UBN2: variants seen among roughly 807,000 people sequenced by gnomAD.
UBN2 encodes ubinuclein 2, also known as ubinuclein-2.
A neutral mutation model predicts 120.2 loss-of-function variants in UBN2; 35 were observed. That is an observed-to-expected ratio of 0.29 (90% CI 0.22 to 0.39). The LOEUF is 0.39. UBN2 is among the 10% of genes least tolerant of loss of function. The probability of loss-of-function intolerance (pLI) is 1.00; values close to 1 mark genes in which losing one functional copy is unlikely to be tolerated. For missense variants in UBN2, 1,693 were observed against 1,663.2 expected (o/e 1.02, Z -0.31); for synonymous variants, 661 against 648.7 (o/e 1.02, Z -0.29).
Position 139,302,780 on chromosome 7 carries a change from A to ACACT in UBN2, c.*4947_*4948insTCAC, listed in dbSNP as rs1173360665. 6.9e-6 allele frequency: 1 copy of ACACT among 145,842 alleles called. No individual in the cohort carries two copies. Among genetic ancestry groups the ACACT allele is most frequent in the African/African-American group, 2.8e-5 (1 of 35,944 alleles). The allele number at this position is 145,842 out of a possible 1,614,324, so 9.0% of individuals were successfully genotyped here. Reference sequence around the variant, plus strand: ...TTGTAGAAGTTAACAATAACAACACACACACACACACACACACACACGTCA... The same window carrying ACACT: ...TTGTAGAAGTTAACAATAACAACACACACTCACACACACACACACACACACGTCA... On this transcript the variant is annotated 3_prime_UTR_variant, in exon 18 of 18. Transcript: ENST00000473989.
intron 1 of UBN2, among the ~76,000 whole-genome samples, chr7:139,234,396 G>A (rs1329786639): frequency 6.6e-6 from 1 of 151,986 alleles, no homozygotes; most frequent in Non-Finnish European, 1.5e-5. Context: ...GTAAAACCCT[G>A]ATTTACTGGA....
intron 16 of UBN2, 190 bp downstream of exon 16, chr7:139,293,653 T>G: frequency 3.1e-6 from 2 of 646,492 alleles, no homozygotes; most frequent in Non-Finnish European, 5.2e-6. Flanking sequence ...ATACAGTTTT[T>G]AAGCTATCTA....
the UBN2 span, among the ~76,000 whole-genome samples, chr7:139,325,564 C>G: frequency 1.3e-5 from 2 of 152,136 alleles, no homozygotes; most frequent in Non-Finnish European, 2.9e-5. Flanking sequence ...CCACCATGCC[C>G]GGCCGAAATC....
intron 8 of UBN2, among the ~76,000 whole-genome samples, chr7:139,270,859 C>G (rs537680084): frequency 2.6e-4 from 40 of 152,312 alleles, no homozygotes; most frequent in Admixed American, 2.6e-3. Context: ...ACTATCCTGC[C>G]TCAGCCTCCT....
In UBN2 at chr7:139,240,452, ATATT is replaced by A. The variant is rs1026989493; in HGVS notation, c.561+3357_561+3360del. Among the ~76,000 whole-genome samples the A allele has an allele frequency of 9.0e-4, 52 of 57,656 alleles. No homozygotes were observed. The East Asian group carries it at 0.014, about 15-fold the overall frequency. 37.8% of individuals were successfully genotyped at this position (57,656 alleles called of 152,430 possible). On this transcript the variant is annotated intron_variant, in intron 2 of 17. Transcript: ENST00000473989. ...TAAATATATATATATATATATATAT[ATATT>A]TTTTTTTTTAAATAATTATTTGGAA...
the UBN2 span, among the ~76,000 whole-genome samples, chr7:139,321,269 G>A: frequency 6.6e-6 from 1 of 152,216 alleles, no homozygotes; most frequent in African/African-American, 2.4e-5. Flanking sequence ...AATGTGAGAG[G>A]ATTGCTTTGG....
intron 3 of UBN2, among the ~76,000 whole-genome samples, chr7:139,257,861 C>T (rs2130973359): frequency 6.6e-6 from 1 of 152,324 alleles, no homozygotes; most frequent in East Asian, 1.9e-4. Context: ...TCTTGGCTCA[C>T]TGCAACCTCC....
chr7:139,273,168 G>T (rs893163255), intron 9 of UBN2, 129 bp from the exon 10 acceptor site: 19 of 507,216 alleles, frequency 3.7e-5, no homozygotes, highest in Non-Finnish European at 5.5e-5. Context: ...GTATTATGTG[G>T]AAAGGTAGAT....
intron 11 of UBN2, among the ~76,000 whole-genome samples, chr7:139,274,622 C>T (rs923044810): frequency 3.3e-5 from 5 of 151,854 alleles, no homozygotes; most frequent in Non-Finnish European, 7.4e-5. Flanking sequence ...ATTAGCCAGG[C>T]GTGGTGGCGC....
intron 3 of UBN2, among the ~76,000 whole-genome samples, chr7:139,252,396 T>G (rs1434310640): frequency 6.6e-6 from 1 of 152,212 alleles, no homozygotes; most frequent in East Asian, 1.9e-4. Context: ...CATTGTAGCA[T>G]GAGAGCAGCC....
At chr7:139,296,766 C>CT (rs1473180501) in intron 17 of UBN2, among the ~76,000 whole-genome samples, 1 of 152,156 alleles carries the variant, frequency 6.6e-6, no homozygotes, top group African/African-American at 2.4e-5. Context: ...TGGCACACAC[C>CT]TGTAGTCCCA....
rs147109462 is a variant in UBN2, at chr7:139,273,048, G to C, written c.1716-249G>C. ...TTTCACAACCCCAGCTTGACTGACTGTGGTTGAACACAAGTGTTTTCTGAC... is the reference window on the plus strand; with the variant it reads ...TTTCACAACCCCAGCTTGACTGACTCTGGTTGAACACAAGTGTTTTCTGAC... On this transcript the variant is annotated intron_variant, in intron 9 of 17. Transcript: ENST00000473989. 9.4e-4 allele frequency among the ~76,000 whole-genome samples: 143 copies of C among 152,250 alleles called. 1 individual carries two copies. Among genetic ancestry groups the C allele is most frequent in the Non-Finnish European group, 1.4e-3 (95 of 68,046 alleles).
intron 7 of UBN2, among the ~76,000 whole-genome samples, chr7:139,267,725 A>G (rs954821294): frequency 6.6e-6 from 1 of 152,170 alleles, no homozygotes; most frequent in Non-Finnish European, 1.5e-5. Flanking sequence ...ATTATTTTGG[A>G]GTGCTTAAAA....
chr7:139,246,167 C>T (rs1207775858), intron 2 of UBN2, among the ~76,000 whole-genome samples: 1 of 152,072 alleles, frequency 6.6e-6, no homozygotes, highest in Non-Finnish European at 1.5e-5. Flanking sequence ...GGGTTCGAGA[C>T]CAGCCTGGCC....
At chr7:139,285,587 A>G (rs1162268418) in intron 15 of UBN2, among the ~76,000 whole-genome samples, 1 of 152,096 alleles carries the variant, frequency 6.6e-6, no homozygotes, top group Non-Finnish European at 1.5e-5. Context: ...TTCTCTGCCT[A>G]GTTGTCATTA....
At chr7:139,252,953 A>G (rs1055926793) in intron 3 of UBN2, among the ~76,000 whole-genome samples, 2 of 152,050 alleles carry the variant, frequency 1.3e-5, no homozygotes, top group African/African-American at 4.8e-5. Flanking sequence ...TTTTTTAATT[A>G]TAAGATTAAC....
intron 17 of UBN2, 30 bp downstream of exon 17, chr7:139,294,011 T>G: frequency 1.3e-6 from 2 of 1,590,124 alleles, no homozygotes; most frequent in Non-Finnish European, 1.7e-6. Flanking sequence ...CATCTCTTTC[T>G]TATTTGTATA....
chr7:139,285,363 G>A (rs940155164), intron 15 of UBN2, among the ~76,000 whole-genome samples: 1 of 152,158 alleles, frequency 6.6e-6, no homozygotes, highest in Non-Finnish European at 1.5e-5. Flanking sequence ...TAGCATAAAT[G>A]CTATTTTACC....
chr7:139,286,952 C>T (rs62485947), intron 15 of UBN2, among the ~76,000 whole-genome samples: 3,003 of 152,206 alleles, frequency 0.02, 49 homozygotes, highest in Non-Finnish European at 0.028. Flanking sequence ...ACAAATTCAG[C>T]TAACTGGTAA....
Sources: gnomAD v4.1 joint callset for allele counts (sites outside exome capture counted in the v4.1 genomes callset) on GRCh38, gnomAD v4.1.1 for gene constraint, MANE v1.5 for transcripts, NCBI Gene and HGNC (gene_info 2026-07-23, HGNC 2026-07-21) for gene names.